MDGA2: variants seen among roughly 807,000 people sequenced by gnomAD.
MDGA2 encodes the protein MAM domain containing glycosylphosphatidylinositol anchor 2.
A neutral mutation model predicts 117.8 loss-of-function variants in MDGA2; 40 were observed. That is an observed-to-expected ratio of 0.34 (90% CI 0.26 to 0.44). The LOEUF (loss-of-function observed/expected upper bound fraction) is 0.44, where lower values mean the gene tolerates loss of function less well. MDGA2 is among the 20% of genes least tolerant of loss of function. The probability of loss-of-function intolerance (pLI) is 1.00; values close to 1 mark genes in which losing one functional copy is unlikely to be tolerated. For missense variants in MDGA2, 1,123 were observed against 1,250.6 expected (o/e 0.90, Z 1.54); for synonymous variants, 452 against 439.0 (o/e 1.03, Z -0.37).
At chr14:47,302,015 G>A (rs780613207) in intron 1 of MDGA2, among the ~76,000 whole-genome samples, 18 of 152,152 alleles carry the variant, frequency 1.2e-4, no homozygotes, top group South Asian at 6.2e-4. Flanking sequence ...ATAAGCTCAC[G>A]AATAAGATGA....
intron 3 of MDGA2, among the ~76,000 whole-genome samples, chr14:47,214,015 G>C (rs568495315): frequency 3.3e-5 from 5 of 152,072 alleles, no homozygotes; most frequent in East Asian, 1.9e-4. Flanking sequence ...CGAGCGAAGA[G>C]GGGGGTAAAG....
rs1052932224 is a variant in MDGA2 at position 47,587,527 on chromosome 14, A to G, written c.280+86990T>C. 5.7e-4 allele frequency among the ~76,000 whole-genome samples: 87 copies of G among 151,972 alleles called. 1 individual carries two copies. Among genetic ancestry groups the G allele is most frequent in the Admixed American group, 4.6e-3 (70 of 15,202 alleles). ...GTTGTTAGGGAGGTCACTGGCTACA[A>G]GAGAATATGAGTAAACAAATTATTT... On this transcript the variant is annotated intron_variant, in intron 1 of 16. Coordinates refer to ENST00000399232, the MANE Select transcript of MDGA2 (RefSeq NM_001113498.3).
intron 15 of MDGA2, among the ~76,000 whole-genome samples, chr14:46,850,901 TAA>T (rs889475215): frequency 6.6e-6 from 1 of 151,874 alleles, no homozygotes; most frequent in African/African-American, 2.4e-5. Flanking sequence ...TTTCAATGGT[TAA>T]GTCAGGAGCC....
At chr14:47,563,570 T>A (rs1895855604) in intron 1 of MDGA2, among the ~76,000 whole-genome samples, 1 of 124,698 alleles carries the variant, frequency 8.0e-6, no homozygotes. Flanking sequence ...CAACCCCTGC[T>A]TTTTTCTGTT....
At chr14:47,365,084 C>T (rs893630573) in intron 1 of MDGA2, among the ~76,000 whole-genome samples, 1 of 152,186 alleles carries the variant, frequency 6.6e-6, no homozygotes, top group Non-Finnish European at 1.5e-5. Flanking sequence ...GTTTTCTACA[C>T]CCTTCAATGG....
chr14:46,844,067 A>C (rs1049090026), intron 16 of MDGA2, among the ~76,000 whole-genome samples: 3 of 152,168 alleles, frequency 2.0e-5, no homozygotes, highest in Non-Finnish European at 4.4e-5. Context: ...ATTATTCATC[A>C]TGTTTTATTT....
chr14:47,375,818 T>C (rs75628670), intron 1 of MDGA2, among the ~76,000 whole-genome samples: 3,132 of 152,240 alleles, frequency 0.021, 45 homozygotes, highest in Non-Finnish European at 0.031. Context: ...TGATTTATCA[T>C]TTATGTGTAA....
intron 1 of MDGA2, among the ~76,000 whole-genome samples, chr14:47,344,764 AT>A (rs1012801283): frequency 6.7e-6 from 1 of 149,128 alleles, no homozygotes; most frequent in African/African-American, 2.5e-5. Context: ...GCAAAAAAAA[AT>A]ACTTTCCCAA....
chr14:47,663,471 T>C (rs959916960), intron 1 of MDGA2, among the ~76,000 whole-genome samples: 1 of 152,184 alleles, frequency 6.6e-6, no homozygotes, highest in Non-Finnish European at 1.5e-5. Context: ...GTTAATTATA[T>C]GAATAGAGAA....
At chr14:47,639,770 C>T (rs550795625) in intron 1 of MDGA2, among the ~76,000 whole-genome samples, 6 of 152,148 alleles carry the variant, frequency 3.9e-5, no homozygotes, top group African/African-American at 1.2e-4. Context: ...AACAACAATC[C>T]GTCAAAATGT....
chr14:46,876,086 G>A (rs945426998), intron 12 of MDGA2, among the ~76,000 whole-genome samples: 4 of 151,432 alleles, frequency 2.6e-5, no homozygotes, highest in South Asian at 4.1e-4. Flanking sequence ...ATTTTTCATC[G>A]TTTAGGTTAT....
chr14:47,181,972 T>C (rs113479720), intron 3 of MDGA2, among the ~76,000 whole-genome samples: 52 of 152,290 alleles, frequency 3.4e-4, no homozygotes, highest in African/African-American at 1.2e-3. Context: ...TGTTCCTATA[T>C]ATAAACTTCT....
intron 10 of MDGA2, among the ~76,000 whole-genome samples, chr14:46,905,683 T>A (rs1883462832): frequency 6.6e-6 from 1 of 152,106 alleles, no homozygotes; most frequent in South Asian, 2.1e-4. Flanking sequence ...TGACTGATGA[T>A]CTACGTGACA....
chr14:47,376,568 T>TTCC (rs1891483341), intron 1 of MDGA2, among the ~76,000 whole-genome samples: 1 of 151,594 alleles, frequency 6.6e-6, no homozygotes, highest in South Asian at 2.1e-4. Context: ...CCTTTAGTTC[T>TTCC]CACCTCAGTA....
At chr14:47,274,069 T>C (rs757643424) in intron 2 of MDGA2, among the ~76,000 whole-genome samples, 37 of 152,090 alleles carry the variant, frequency 2.4e-4, no homozygotes, top group Non-Finnish European at 4.4e-4. Flanking sequence ...CTACTGAAAT[T>C]TCATTCATAC....
intron 4 of MDGA2, among the ~76,000 whole-genome samples, chr14:47,133,642 T>C (rs2139160886): frequency 6.6e-6 from 1 of 152,110 alleles, no homozygotes; most frequent in South Asian, 2.1e-4. Flanking sequence ...ATAACAAATG[T>C]TTGTCAATAT....
chr14:47,625,500 C>G (rs1411423613), intron 1 of MDGA2, among the ~76,000 whole-genome samples: 1 of 152,168 alleles, frequency 6.6e-6, no homozygotes, highest in Non-Finnish European at 1.5e-5. Flanking sequence ...TATTTTCAGT[C>G]TAAAATAGGG....
At chr14:46,986,786 T>C (rs1342480177) in intron 8 of MDGA2, among the ~76,000 whole-genome samples, 2 of 152,106 alleles carry the variant, frequency 1.3e-5, no homozygotes, top group Non-Finnish European at 2.9e-5. Flanking sequence ...TTGAAGTCAG[T>C]AGAACTGAGT....
intron 2 of MDGA2, among the ~76,000 whole-genome samples, chr14:47,239,084 C>A (rs1886956975): frequency 1.3e-5 from 2 of 151,458 alleles, no homozygotes; most frequent in South Asian, 4.2e-4. Context: ...CGTAAATTAT[C>A]TTCCACAAAT....
Sources: allele counts gnomAD v4.1 joint callset (sites outside exome capture counted in the v4.1 genomes callset), GRCh38; gene constraint gnomAD v4.1.1; transcripts MANE v1.5; gene names NCBI Gene and HGNC (gene_info 2026-07-23, HGNC 2026-07-21).